DDX10: variants seen among roughly 807,000 people sequenced by gnomAD.
DDX10 encodes the protein DEAD-box helicase 10.
Under a neutral mutation model 104.3 loss-of-function variants are expected in DDX10, and 74 were observed. The observed-to-expected ratio is 0.71, with a 90% confidence interval of 0.59 to 0.86. The LOEUF is 0.86. DDX10 is among the 40% of genes least tolerant of loss of function. The pLI is 0.00. For synonymous variants in DDX10, 351 were observed against 353.4 expected, an observed-to-expected ratio of 0.99 and a Z score of 0.08; for missense variants, 952 against 1,040.0, an observed-to-expected ratio of 0.92 and a Z score of 1.16.
At chr11:108,914,773 A>C (rs1285899058) in intron 16 of DDX10, among the ~76,000 whole-genome samples, 1 of 151,926 alleles carries the variant, frequency 6.6e-6, no homozygotes, top group African/African-American at 2.4e-5. Flanking sequence ...TATTCAAAGA[A>C]TTAAAGGAAA....
rs1157378129 is a variant in DDX10, at chr11:108,665,120, G to A, written c.-34G>A. On this transcript the variant is annotated 5_prime_UTR_variant, in exon 1 of 18. Transcript: ENST00000322536. ...GTCTGGCCTTAGGTGTCTCGTGTCT[G>A]GGGTTGATCCGAGCTGTCGCCGCCG... is the stretch of plus-strand genomic sequence containing the variant. 2 of 1,583,576 alleles carry A rather than the reference G, an allele frequency of 1.3e-6. No individual in the cohort carries two copies. The highest frequency in any genetic ancestry group is 1.8e-5 in the Admixed American group (1 of 54,860).
chr11:108,821,341 T>C (rs1862322999), intron 13 of DDX10, among the ~76,000 whole-genome samples: 1 of 152,182 alleles, frequency 6.6e-6, no homozygotes, highest in Admixed American at 6.5e-5. Flanking sequence ...TTTTAAAAAG[T>C]TGATTATGTA....
chr11:108,691,195 G>A (rs938444932), intron 7 of DDX10, among the ~76,000 whole-genome samples: 2 of 152,194 alleles, frequency 1.3e-5, no homozygotes, highest in African/African-American at 4.8e-5. Flanking sequence ...CTTTAATTGA[G>A]CGACTGGATC....
At chr11:108,713,536 T>C (rs2094287354) in intron 10 of DDX10, among the ~76,000 whole-genome samples, 1 of 152,170 alleles carries the variant, frequency 6.6e-6, no homozygotes, top group Non-Finnish European at 1.5e-5. Flanking sequence ...CATCTTATTA[T>C]GTTGCTCATC....
At chr11:108,787,401 G>A (rs976264325) in intron 13 of DDX10, among the ~76,000 whole-genome samples, 3 of 151,988 alleles carry the variant, frequency 2.0e-5, no homozygotes, top group Admixed American at 6.6e-5. Context: ...AGCAGGATTC[G>A]GGAGATTTTC....
At chr11:108,743,409 C>G (rs1260639770) in intron 13 of DDX10, among the ~76,000 whole-genome samples, 3 of 152,174 alleles carry the variant, frequency 2.0e-5, no homozygotes, top group Non-Finnish European at 4.4e-5. Flanking sequence ...GAAAAACCCA[C>G]TACTGACATC....
At chr11:108,904,266 T>C (rs1007894190) in intron 16 of DDX10, among the ~76,000 whole-genome samples, 2 of 152,168 alleles carry the variant, frequency 1.3e-5, no homozygotes, top group African/African-American at 4.8e-5. Flanking sequence ...TAGTTTTTGG[T>C]TGGAAACCAA....
At position 108,679,530 on chromosome 11, in the gene DDX10, A is replaced by G. The variant is rs754459688; in HGVS notation, c.818A>G (p.Tyr273Cys). ...LARLSLKNPE[Y>C]VWVHEKAKYS... Reference sequence around the variant, plus strand: ...CGCTTGAGTTTGAAAAACCCTGAGTATGTCTGGGTTCATGAAAAAGCAAAA... The same window carrying G: ...CGCTTGAGTTTGAAAAACCCTGAGTGTGTCTGGGTTCATGAAAAAGCAAAA... The change falls in exon 6 of 18, where the codon TAT becomes TGT. Residue 273 changes from tyrosine to cysteine, a missense_variant. By Grantham distance (194) the Tyr-to-Cys change is radical (BLOSUM62 -2). Transcript: ENST00000322536. The G allele has an allele frequency of 2.5e-6, 4 of 1,608,632 alleles. No homozygotes were observed. The highest frequency in any genetic ancestry group is 3.4e-6 in the Non-Finnish European group (4 of 1,178,678).
At chr11:108,852,004 G>A in intron 15 of DDX10, 149 bp from the exon 16 acceptor site, 1 of 621,058 alleles carries the variant, frequency 1.6e-6, no homozygotes. Context: ...GAATACTTGT[G>A]CCAATCCCAT....
chr11:108,723,433 T>C lies in DDX10; in HGVS notation c.1936T>C (p.Leu646=), dbSNP rs1188110394. The change falls in exon 13 of 18, where the codon TTG becomes CTG. Residue 646 remains leucine (L), a synonymous_variant. Coordinates refer to ENST00000322536, the MANE Select transcript of DDX10 (RefSeq NM_004398.4). Reference sequence around the variant, plus strand: ...GGTGAAGCGGCATAATGTGTTTGGATTGGACCTTAAAGACGAGAAAACATT... The same window carrying C: ...GGTGAAGCGGCATAATGTGTTTGGACTGGACCTTAAAGACGAGAAAACATT... ...LKVKRHNVFG[L]DLKDEKTLQK... is the part of the protein sequence containing the mutation. 2 of 1,612,760 alleles carry C rather than the reference T, an allele frequency of 1.2e-6. No individual in the cohort carries two copies. The highest frequency in any genetic ancestry group is 1.7e-6 in the Non-Finnish European group (2 of 1,179,492).
chr11:108,823,590 A>G (rs1048314208), intron 13 of DDX10, among the ~76,000 whole-genome samples: 3 of 152,174 alleles, frequency 2.0e-5, no homozygotes, highest in African/African-American at 7.2e-5. Context: ...TTCTTCCATT[A>G]TTGTAGTTCT....
intron 13 of DDX10, among the ~76,000 whole-genome samples, chr11:108,754,397 A>G (rs1197639117): frequency 3.3e-5 from 5 of 152,052 alleles, no homozygotes; most frequent in African/African-American, 4.8e-5. Context: ...TTTAGAATCT[A>G]CTGCCATAAT....
chr11:108,743,668 A>G (rs2094327973), intron 13 of DDX10, among the ~76,000 whole-genome samples: 1 of 152,254 alleles, frequency 6.6e-6, no homozygotes, highest in Middle Eastern at 3.4e-3. Flanking sequence ...AAGTGTTTAT[A>G]TGGTTTTGAG....
At chr11:108,837,386 T>C (rs190111950) in intron 13 of DDX10, among the ~76,000 whole-genome samples, 2 of 152,094 alleles carry the variant, frequency 1.3e-5, no homozygotes, top group Admixed American at 6.5e-5. Flanking sequence ...ATAATCCAAA[T>C]CCTCAGACCT....
At chr11:108,840,169 C>A (rs1452578978) in intron 14 of DDX10, among the ~76,000 whole-genome samples, 2 of 152,136 alleles carry the variant, frequency 1.3e-5, no homozygotes, top group Non-Finnish European at 2.9e-5. Context: ...CCTCGCATTG[C>A]CTCTTTAGGG....
chr11:108,783,575 A>AG (rs1861742635), intron 13 of DDX10, among the ~76,000 whole-genome samples: 1 of 152,212 alleles, frequency 6.6e-6, no homozygotes, highest in Admixed American at 6.5e-5. Context: ...AAGCCCTTGA[A>AG]GAGAGTAGGG....
intron 7 of DDX10, among the ~76,000 whole-genome samples, chr11:108,691,196 C>G (rs558361961): frequency 9.2e-5 from 14 of 152,234 alleles, no homozygotes; most frequent in African/African-American, 2.6e-4. Context: ...TTTAATTGAG[C>G]GACTGGATCA....
intron 15 of DDX10, among the ~76,000 whole-genome samples, chr11:108,843,704 C>T (rs1047889871): frequency 2.7e-5 from 4 of 150,784 alleles, no homozygotes; most frequent in African/African-American, 4.9e-5. Flanking sequence ...TGCAGTGAGC[C>T]GAGGTCGTGC....
intron 16 of DDX10, among the ~76,000 whole-genome samples, chr11:108,861,541 A>T (rs1156631185): frequency 6.6e-6 from 1 of 152,236 alleles, no homozygotes; most frequent in Non-Finnish European, 1.5e-5. Context: ...GATGCCAGAC[A>T]GAAGAGTAAA....
Sources: allele counts gnomAD v4.1 joint callset (sites outside exome capture counted in the v4.1 genomes callset), GRCh38; gene constraint gnomAD v4.1.1; transcripts MANE v1.5; gene names NCBI Gene and HGNC (gene_info 2026-07-23, HGNC 2026-07-21).